AHNAK: variants seen among roughly 807,000 people sequenced by gnomAD.
The protein encoded by AHNAK is neuroblast differentiation-associated protein AHNAK.
In AHNAK, 23 loss-of-function variants were observed where a neutral mutation model predicts 37.8. That is an observed-to-expected ratio of 0.61 (90% CI 0.44 to 0.86). The LOEUF (loss-of-function observed/expected upper bound fraction) is 0.86, where lower values mean the gene tolerates loss of function less well. Among genes scored for constraint, AHNAK ranks in the 40% least tolerant of loss-of-function variants. The pLI is 0.00. For synonymous variants in AHNAK, 2,481 were observed against 2,636.3 expected (o/e 0.94, Z 1.80); for missense variants, 7,411 against 7,319.4 (o/e 1.01, Z -0.46).
chr11:62,470,742 AATG>A (rs997350218), intron 5 of AHNAK, among the ~76,000 whole-genome samples: 1 of 152,102 alleles, frequency 6.6e-6, no homozygotes, highest in African/African-American at 2.4e-5. Flanking sequence ...CATCAATTTC[AATG>A]ATGACTTCCA....
In AHNAK at chr11:62,525,764, C is replaced by T; in HGVS notation, c.8653G>A (p.Val2885Ile). Reference protein sequence around the residue: ...KVDIDVPDVNVQGPDWHLKMP... With the variant: ...KVDIDVPDVNIQGPDWHLKMP... ...TTCAGGTGCCAGTCTGGACCCTGAA[C>T]ATTAACATCTGGGACATCAATGTCC... Residue 2885 changes from valine (V) to isoleucine (I), a missense_variant, in exon 5 of 5, where the codon GTT (valine) becomes ATT (isoleucine). By Grantham distance (29) the Val-to-Ile change is conservative. Transcript: ENST00000378024. The T allele has an allele frequency of 4.3e-6, 7 of 1,612,984 alleles. No homozygotes were observed. Among genetic ancestry groups the T allele is most frequent in the East Asian group, 2.2e-5 (1 of 44,798 alleles).
At chr11:62,463,456 A>AGCC (rs1938834619) in intron 5 of AHNAK, among the ~76,000 whole-genome samples, 5 of 147,348 alleles carry the variant, frequency 3.4e-5, no homozygotes, top group Non-Finnish European at 6.0e-5. Context: ...CCTCTCCTCC[A>AGCC]TCCTCCAGCC....
rs1337110001 is a variant in AHNAK at position 62,532,781 on chromosome 11, G to A, written c.1636C>T (p.Pro546Ser). The A allele has an allele frequency of 6.2e-7, 1 of 1,614,084 alleles. No homozygotes were observed. ...LKGSRVDIET[P>S]NLEGTLTGPR... The stretch of plus-strand genomic sequence containing the variant: ...CCTGTCAAGGTTCCCTCTAGGTTTG[G>A]TGTCTCTATGTCCACTCTGGAGCCT... Residue 546 changes from proline (P) to serine (S), a missense_variant, in exon 5 of 5, where the codon CCA becomes TCA. Physicochemically the swap from Pro to Ser is moderately conservative, Grantham distance 74. Coordinates refer to ENST00000378024, the MANE Select transcript of AHNAK (RefSeq NM_001620.3).
At chr11:62,484,036 CAA>C (rs56402861) in intron 5 of AHNAK, among the ~76,000 whole-genome samples, 47 of 78,244 alleles carry the variant, frequency 6.0e-4, no homozygotes, top group African/African-American at 2.4e-3. Context: ...GACTCCATCT[CAA>C]AAAAAAAAAA....
intron 5 of AHNAK, among the ~76,000 whole-genome samples, chr11:62,454,962 T>C (rs1938626482): frequency 6.7e-6 from 1 of 150,278 alleles, no homozygotes; most frequent in South Asian, 2.1e-4. Flanking sequence ...GGAGTTTTGC[T>C]CTTTTGCCCA....
At position 62,524,010 on chromosome 11, in the gene AHNAK, G is replaced by C. The variant is rs1940373579; in HGVS notation, c.10407C>G (p.Asp3469Glu). The change falls in exon 5 of 5, where the codon GAC becomes GAG. Residue 3469 changes from aspartate to glutamate, a missense_variant. By Grantham distance (45) the Asp-to-Glu change is conservative. Coordinates refer to ENST00000378024, the MANE Select transcript of AHNAK (RefSeq NM_001620.3). The part of the protein sequence containing the change: ...NAPDVDVHGP[D>E]WNLKMPKMKM... ...TCATCTTGGGCATTTTCAGATTCCA[G>C]TCTGGACCATGAACATCCACATCAG... 1 of 1,613,978 alleles carries C rather than the reference G, an allele frequency of 6.2e-7. No individual in the cohort carries two copies. The highest frequency in any genetic ancestry group is 1.7e-5 in the Admixed American group (1 of 59,994).
rs1302370031 is a variant in AHNAK at position 62,530,176 on chromosome 11, G to A, written c.4241C>T (p.Ser1414Leu). The A allele has an allele frequency of 1.6e-5, 26 of 1,613,432 alleles. No individual in the cohort carries two copies. Among genetic ancestry groups the A allele is most frequent in the Non-Finnish European group, 2.2e-5 (26 of 1,179,900 alleles). The change falls in exon 5 of 5, where the codon TCA (serine) becomes TTA (leucine). Residue 1414 changes from serine to leucine, a missense_variant. Ser to Leu is a moderately radical substitution (Grantham distance 145). Coordinates refer to ENST00000378024, the MANE Select transcript of AHNAK (RefSeq NM_001620.3). ...AACTTCAGCATCCATTTTGGGTCCT[G>A]AGACATCAACGTCAGCTTTGGGCAG... ...VKLPKADVDV[S>L]GPKMDAEVPD...
Position 62,528,217 on chromosome 11 carries a change from T to C in AHNAK, c.6200A>G (p.Glu2067Gly), listed in dbSNP as rs757144436. 8 of 1,614,096 alleles carry C rather than the reference T, an allele frequency of 5.0e-6. No homozygotes were observed. The highest frequency in any genetic ancestry group is 6.8e-6 in the Non-Finnish European group (8 of 1,180,020). Reference protein sequence around the residue: ...SMPGFKAEGPEVDVNLPKADV... With the variant: ...SMPGFKAEGPGVDVNLPKADV... ...AGCCTTGGGCAAGTTCACATCCACTTCTGGGCCCTCTGCTTTGAAGCCAGG... is the reference window on the plus strand; with the variant it reads ...AGCCTTGGGCAAGTTCACATCCACTCCTGGGCCCTCTGCTTTGAAGCCAGG... The change falls in exon 5 of 5, where the codon GAA (glutamate) becomes GGA (glycine). Residue 2067 changes from glutamate (E) to glycine (G), a missense_variant. Physicochemically the swap from Glu to Gly is moderately conservative, Grantham distance 98. Coordinates refer to ENST00000378024, the MANE Select transcript of AHNAK (RefSeq NM_001620.3).
rs201391281 is a variant in AHNAK, at chr11:62,527,965, A to C, written c.6452T>G (p.Val2151Gly). 4.3e-5 allele frequency: 70 copies of C among 1,613,430 alleles called. No individual in the cohort carries two copies. Among genetic ancestry groups the C allele is most frequent in the South Asian group, 1.2e-4 (11 of 91,058 alleles). Residue 2151 changes from valine to glycine, a missense_variant, in exon 5 of 5, where the codon GTG becomes GGG. Transcript: ENST00000378024. ...CTCAACATCAGGCACCTCCACATCC[A>C]CACTGGGGCCTGTTAAATCTCCCTC... The part of the protein sequence containing the change: ...KLEGDLTGPS[V>G]DVEVPDVELE...
intron 5 of AHNAK, among the ~76,000 whole-genome samples, chr11:62,454,442 A>C (rs1262573038): frequency 6.6e-6 from 1 of 151,796 alleles, no homozygotes; most frequent in African/African-American, 2.4e-5. Context: ...AAGAAAAGAA[A>C]AGAACTAAGA....
In AHNAK at chr11:62,533,970, A is replaced by G. The variant is rs2134246618; in HGVS notation, c.447T>C (p.Arg149=). The change falls in exon 5 of 5, where the codon CGT becomes CGC. Residue 149 remains arginine (R), a synonymous_variant. Transcript: ENST00000378024. ...VEGDLGETQS[R]TITVTRRVTA... ...TGACCCTTCTGGTCACTGTGATGGT[A>G]CGGCTCTGGGTCTCCCCGAGGTCTC... 2 of 1,613,238 alleles carry G rather than the reference A, an allele frequency of 1.2e-6. No individual in the cohort carries two copies. Among genetic ancestry groups the G allele is most frequent in the Non-Finnish European group, 1.7e-6 (2 of 1,179,414 alleles).
Position 62,531,372 on chromosome 11 carries a change from C to T in AHNAK, c.3045G>A (p.Gly1015=), listed in dbSNP as rs114298839. ...TGGACAGGTTCACATCAAATTCTGG[C>T]CCCTCTCCTTTGAGGCTGGGCATGC... is the stretch of plus-strand genomic sequence containing the variant. ...KFSMPSLKGE[G]PEFDVNLSKA... The change falls in exon 5 of 5, where the codon GGG becomes GGA. Residue 1015 remains glycine (G), a synonymous_variant. Coordinates refer to ENST00000378024, the MANE Select transcript of AHNAK (RefSeq NM_001620.3). The T allele has an allele frequency of 1.2e-6, 2 of 1,611,366 alleles. No individual in the cohort carries two copies. Among genetic ancestry groups the T allele is most frequent in the Non-Finnish European group, 1.7e-6 (2 of 1,179,186 alleles).
intron 4 of AHNAK, among the ~76,000 whole-genome samples, chr11:62,491,999 C>G (rs938546335): frequency 6.6e-6 from 1 of 152,142 alleles, no homozygotes; most frequent in African/African-American, 2.4e-5. Flanking sequence ...CCTGGAATCT[C>G]TAGCTGTAGA....
At position 62,524,319 on chromosome 11, in the gene AHNAK, T is replaced by C. The variant is rs541565103; in HGVS notation, c.10098A>G (p.Thr3366=). The change falls in exon 5 of 5, where the codon ACA becomes ACG. Residue 3366 remains threonine (T), a synonymous_variant. Coordinates refer to ENST00000378024, the MANE Select transcript of AHNAK (RefSeq NM_001620.3). Reference sequence around the variant, plus strand: ...TTTTACCTTTGACATCCACTTCAGGTGTCTGAACTTTAGAGCCCGAAAAAT... The same window carrying C: ...TTTTACCTTTGACATCCACTTCAGGCGTCTGAACTTTAGAGCCCGAAAAAT... The part of the protein sequence containing the change: ...KFNFSGSKVQ[T]PEVDVKGKKP... 6.2e-6 allele frequency: 10 copies of C among 1,613,850 alleles called. No homozygotes were observed. Among genetic ancestry groups the C allele is most frequent in the South Asian group, 2.2e-5 (2 of 90,964 alleles).
At position 62,529,471 on chromosome 11, in the gene AHNAK, T is replaced by C. The variant is rs776317596; in HGVS notation, c.4946A>G (p.Lys1649Arg). 1.7e-5 allele frequency: 28 copies of C among 1,614,058 alleles called. No individual in the cohort carries two copies. The highest frequency in any genetic ancestry group is 2.4e-5 in the Non-Finnish European group (28 of 1,180,050). Residue 1649 changes from lysine to arginine, a missense_variant, in exon 5 of 5, where the codon AAG (lysine) becomes AGG (arginine). Lys to Arg is a conservative substitution (Grantham distance 26, BLOSUM62 2). Coordinates refer to ENST00000378024, the MANE Select transcript of AHNAK (RefSeq NM_001620.3). ...PKFKMPEMHF[K>R]APKISMPDVD... ...ATCGGGCATGGAGATCTTGGGGGCC[T>C]TGAAATGCATCTCAGGCATCTTAAA...
At chr11:62,495,536 G>A (rs1301036992) in intron 4 of AHNAK, among the ~76,000 whole-genome samples, 1 of 151,554 alleles carries the variant, frequency 6.6e-6, no homozygotes, top group African/African-American at 2.4e-5. Context: ...ATCGAGACCA[G>A]CCTGGCCAAC....
chr11:62,476,343 T>G (rs781140757), intron 5 of AHNAK, among the ~76,000 whole-genome samples: 3 of 152,208 alleles, frequency 2.0e-5, no homozygotes, highest in African/African-American at 4.8e-5. Context: ...GAGCCGAGAT[T>G]GCACCACTGC....
At chr11:62,544,330 G>A (rs1941235788) in intron 1 of AHNAK, among the ~76,000 whole-genome samples, 1 of 152,124 alleles carries the variant, frequency 6.6e-6, no homozygotes, top group African/African-American at 2.4e-5. Flanking sequence ...CGAGGGGTTG[G>A]CTCCTCAAGG....
Position 62,520,773 on chromosome 11 carries a change from C to T in AHNAK, c.13644G>A (p.Leu4548=), listed in dbSNP as rs748019936. The stretch of plus-strand genomic sequence containing the variant: ...CTTTGACATCCACTTTGGGACCTTT[C>T]AGATCTCCCTCCAGTTTAGGAACGG... ...DISVPKLEGD[L]KGPKVDVKGP... Residue 4548 remains leucine, a synonymous_variant, in exon 5 of 5, where the codon CTG becomes CTA. Coordinates refer to ENST00000378024, the MANE Select transcript of AHNAK (RefSeq NM_001620.3). 6 of 1,614,052 alleles carry T rather than the reference C, an allele frequency of 3.7e-6. No homozygotes were observed. Among genetic ancestry groups the T allele is most frequent in the Non-Finnish European group, 3.4e-6 (4 of 1,179,982 alleles).
Sources: gnomAD v4.1 joint callset for allele counts (sites outside exome capture counted in the v4.1 genomes callset) on GRCh38, gnomAD v4.1.1 for gene constraint, MANE v1.5 for transcripts, NCBI Gene and HGNC (gene_info 2026-07-23, HGNC 2026-07-21) for gene names.